Variants in ARHGEF10L observed in about 807,000 individuals in gnomAD.
ARHGEF10L encodes the protein rho guanine nucleotide exchange factor 10-like protein.
In ARHGEF10L, 69 loss-of-function variants were observed where a neutral mutation model predicts 141.2. The ratio of observed to expected loss-of-function variants is 0.49; its 90% CI spans 0.40 to 0.60. The LOEUF is 0.60. ARHGEF10L is among the 20% of genes least tolerant of loss of function. The probability of loss-of-function intolerance (pLI) is 0.00; values close to 1 mark genes in which losing one functional copy is unlikely to be tolerated. For missense variants in ARHGEF10L, 1,482 were observed against 1,734.3 expected (o/e 0.85, Z 2.58); for synonymous variants, 711 against 718.5 (o/e 0.99, Z 0.17).
At chr1:17,672,150 G>A (rs1451188971) in intron 26 of ARHGEF10L, among the ~76,000 whole-genome samples, 1 of 152,034 alleles carries the variant, frequency 6.6e-6, no homozygotes. Context: ...AAACTTCTCT[G>A]GGCTCCTGAA....
chr1:17,670,372 C>T (rs561452547), intron 26 of ARHGEF10L, among the ~76,000 whole-genome samples: 6 of 152,364 alleles, frequency 3.9e-5, no homozygotes, highest in South Asian at 2.1e-4. Flanking sequence ...ATAATAATGT[C>T]GCTCACCGGG....
upstream of ARHGEF10L, among the ~76,000 whole-genome samples, chr1:17,537,854 C>CAAAAAAAAAAAAAAAAAAAAAAAAA (rs10611023): frequency 1.3e-5 from 1 of 79,844 alleles, no homozygotes; most frequent in Non-Finnish European, 2.4e-5. Flanking sequence ...ACCATCTCTA[C>CAAAAAAAAAAAAAAAAAAAAAAAAA]AAAAAAAAAA....
chr1:17,618,165 C>G (rs1247773487), intron 9 of ARHGEF10L: 3 of 228,474 alleles, frequency 1.3e-5, no homozygotes, highest in Non-Finnish European at 2.2e-5. Flanking sequence ...TGAGATGGTC[C>G]GAAGACAGGA....
intron 28 of ARHGEF10L, 57 bp downstream of exon 28, chr1:17,695,337 T>A (rs977645117): frequency 6.5e-7 from 1 of 1,531,172 alleles, no homozygotes; most frequent in African/African-American, 1.4e-5. Context: ...AGGTGGCCAG[T>A]GGGGCTTGGC....
At chr1:17,588,784 G>C (rs556157756) in intron 4 of ARHGEF10L, among the ~76,000 whole-genome samples, 251 of 150,166 alleles carry the variant, frequency 1.7e-3, no homozygotes, top group African/African-American at 6.0e-3. Flanking sequence ...CGGCTGAAGG[G>C]GAAACAATGA....
At chr1:17,649,350 C>T (rs113137115) in intron 22 of ARHGEF10L, among the ~76,000 whole-genome samples, 3,548 of 152,246 alleles carry the variant, frequency 0.023, 145 homozygotes, top group African/African-American at 0.08. Flanking sequence ...TGTCCTAGCT[C>T]GCCCTCCATC....
chr1:17,538,547 G>T (rs1005616374), upstream of ARHGEF10L, among the ~76,000 whole-genome samples: 1 of 152,132 alleles, frequency 6.6e-6, no homozygotes, highest in Non-Finnish European at 1.5e-5. Context: ...CGTGGCCTGT[G>T]TGGCTTGTCT....
rs191253175 is a variant in ARHGEF10L at position 17,648,462 on chromosome 1, G to A, written c.2273-92G>A. ...GGATGGGGCCAGGCTTCTGGGGCCTGCAGTGGCTCCCTGGGGCTTGGAGGG... is the reference window on the plus strand; with the variant it reads ...GGATGGGGCCAGGCTTCTGGGGCCTACAGTGGCTCCCTGGGGCTTGGAGGG... On this transcript the variant is annotated intron_variant, in intron 21 of 28. Transcript: ENST00000361221. 1.2e-4 allele frequency: 177 copies of A among 1,520,608 alleles called. No homozygotes were observed. The African/African-American group carries it at 2.1e-3, about 18-fold the overall frequency. 94.2% of individuals were successfully genotyped at this position (1,520,608 alleles called of 1,614,324 possible).
chr1:17,535,363 C>T (rs1390863883), upstream of ARHGEF10L, among the ~76,000 whole-genome samples: 3 of 152,220 alleles, frequency 2.0e-5, no homozygotes, highest in Non-Finnish European at 2.9e-5. Flanking sequence ...TGCCACTCCC[C>T]TCCTGCTGTG....
upstream of ARHGEF10L, among the ~76,000 whole-genome samples, chr1:17,538,130 C>G (rs1318377387): frequency 2.6e-5 from 4 of 152,060 alleles, no homozygotes; most frequent in African/African-American, 9.7e-5. Context: ...TGTGAAAGAC[C>G]GCGATGCTGG....
chr1:17,670,832 C>G (rs950276450), intron 26 of ARHGEF10L, among the ~76,000 whole-genome samples: 3 of 152,238 alleles, frequency 2.0e-5, no homozygotes, highest in African/African-American at 7.2e-5. Flanking sequence ...ATGCTGGCCC[C>G]TTCCCACCAC....
Position 17,603,650 on chromosome 1 carries a change from TG to T in ARHGEF10L, c.433+63del. ...GGGGACAGGGGAGGGAGGCTGGGAC[TG>T]GGGAGGGTTGTCTCTTTCCGTTTCC... On this transcript the variant is annotated intron_variant, in intron 6 of 28. Coordinates refer to ENST00000361221, the MANE Select transcript of ARHGEF10L (RefSeq NM_018125.4). This position sits in a 1 kb window ranked among gnomAD's most constrained non-coding sequence, Gnocchi z 4.8. The T allele has an allele frequency of 6.9e-7, 1 of 1,449,694 alleles. No homozygotes were observed. The highest frequency in any genetic ancestry group is 9.4e-7 in the Non-Finnish European group (1 of 1,067,332). The allele number at this position is 1,449,694 out of a possible 1,614,324, so 89.8% of individuals were successfully genotyped here.
At chr1:17,618,209 C>A in intron 9 of ARHGEF10L, 1 of 1,006,914 alleles carries the variant, frequency 9.9e-7, no homozygotes, top group Non-Finnish European at 1.4e-6. Flanking sequence ...GGGAACTCTT[C>A]CTGGGTCACC....
the ARHGEF10L span, among the ~76,000 whole-genome samples, chr1:17,529,813 A>G: frequency 6.8e-6 from 1 of 146,724 alleles, no homozygotes; most frequent in African/African-American, 2.5e-5. Flanking sequence ...TGGGGCCAGG[A>G]ACACATCAGT....
chr1:17,639,790 G>A lies in ARHGEF10L; in HGVS notation c.2172-412G>A. On this transcript the variant is annotated intron_variant, in intron 20 of 28. Transcript: ENST00000361221. This position sits in a 1 kb window ranked among gnomAD's most constrained non-coding sequence, Gnocchi z 4.3. Reference sequence around the variant, plus strand: ...TTACTGAGCAACTGTCCCATGCCAGGTGCTGGGAACAGACCCAAGTGAGAC... The same window carrying A: ...TTACTGAGCAACTGTCCCATGCCAGATGCTGGGAACAGACCCAAGTGAGAC... 1 of 1,209,488 alleles carries A rather than the reference G, an allele frequency of 8.3e-7. No individual in the cohort carries two copies. The highest frequency in any genetic ancestry group is 1.1e-6 in the Non-Finnish European group (1 of 911,566). 74.9% of individuals were successfully genotyped at this position (1,209,488 alleles called of 1,614,324 possible). A position where few individuals can be genotyped will look rare whatever the true frequency, so the allele number is the denominator to read the frequency against.
intron 1 of ARHGEF10L, among the ~76,000 whole-genome samples, chr1:17,561,635 C>G (rs2077548243): frequency 1.3e-5 from 2 of 152,262 alleles, no homozygotes; most frequent in South Asian, 4.1e-4. Flanking sequence ...CTCCTAGCTC[C>G]TTGGCGTAGG....
chr1:17,639,603 T>G lies in ARHGEF10L; in HGVS notation c.2172-599T>G. On this transcript the variant is annotated intron_variant, in intron 20 of 28. Transcript: ENST00000361221. The surrounding 1 kb of genome is among the most constrained non-coding windows in gnomAD (Gnocchi z 4.3). Reference sequence around the variant, plus strand: ...ATTCTCCACGTGCACCCTAGAGGCTTGTGACACTGCCCTGCCCACCTCCCA... The same window carrying G: ...ATTCTCCACGTGCACCCTAGAGGCTGGTGACACTGCCCTGCCCACCTCCCA... 2.8e-6 allele frequency: 1 copy of G among 351,744 alleles called. No homozygotes were observed. The highest frequency in any genetic ancestry group is 5.6e-6 in the Non-Finnish European group (1 of 177,676). The allele number at this position is 351,744 out of a possible 1,614,324, so 21.8% of individuals were successfully genotyped here.
At chr1:17,543,735 C>T (rs2076814877) in intron 1 of ARHGEF10L, among the ~76,000 whole-genome samples, 2 of 151,940 alleles carry the variant, frequency 1.3e-5, no homozygotes, top group African/African-American at 4.8e-5. Context: ...GCAACCACCG[C>T]CCCCTGGTTT....
Position 17,639,983 on chromosome 1 carries a change from T to C in ARHGEF10L, c.2172-219T>C. ...GCGTGGCTCAGCCACCCTGGCCAGGTACCTCCCTCTGGGGGTCATTGTGGG... is the reference window on the plus strand; with the variant it reads ...GCGTGGCTCAGCCACCCTGGCCAGGCACCTCCCTCTGGGGGTCATTGTGGG... On this transcript the variant is annotated intron_variant, in intron 20 of 28. Transcript: ENST00000361221. This position sits in a 1 kb window ranked among gnomAD's most constrained non-coding sequence, Gnocchi z 4.3. The C allele has an allele frequency of 6.7e-7, 1 of 1,493,468 alleles. No homozygotes were observed. The highest frequency in any genetic ancestry group is 8.9e-7 in the Non-Finnish European group (1 of 1,123,746). The allele number at this position is 1,493,468 out of a possible 1,614,324, so 92.5% of individuals were successfully genotyped here. A position where few individuals can be genotyped will look rare whatever the true frequency, so the allele number is the denominator to read the frequency against.
Sources: gnomAD v4.1 joint callset for allele counts (sites outside exome capture counted in the v4.1 genomes callset) on GRCh38, gnomAD v4.1.1 for gene constraint, Gnocchi (gnomAD v3.1) non-coding constraint, MANE v1.5 for transcripts, NCBI Gene and HGNC (gene_info 2026-07-23, HGNC 2026-07-21) for gene names.